FAM174A: variants seen among roughly 807,000 people sequenced by gnomAD.
FAM174A encodes family with sequence similarity 174 member A.
In FAM174A, 14 loss-of-function variants were observed where a neutral mutation model predicts 14.3. The ratio of observed to expected loss-of-function variants is 0.98; its 90% confidence interval spans 0.65 to 1.53. The LOEUF (loss-of-function observed/expected upper bound fraction) is 1.53. Among genes scored for constraint, FAM174A ranks in the 40% most tolerant of loss-of-function variants. FAM174A has a pLI of 0.00. For missense variants in FAM174A, 241 were observed against 249.6 expected, an observed-to-expected ratio of 0.97 and a Z score of 0.23; for synonymous variants, 108 against 111.4, an observed-to-expected ratio of 0.97 and a Z score of 0.19.
chr5:100,560,025 T>G (rs1218574146), intron 1 of FAM174A, among the ~76,000 whole-genome samples: 3 of 152,118 alleles, frequency 2.0e-5, no homozygotes, highest in Non-Finnish European at 2.9e-5. Flanking sequence ...AGAGGCACTC[T>G]GATTTTTAGA....
intron 2 of FAM174A, among the ~76,000 whole-genome samples, chr5:100,576,185 T>C (rs1746901075): frequency 6.6e-6 from 1 of 152,232 alleles, no homozygotes; most frequent in African/African-American, 2.4e-5. Flanking sequence ...TTTCTGTTTC[T>C]TTATATTAAA....
chr5:100,558,055 G>C (rs1459725560), intron 1 of FAM174A, among the ~76,000 whole-genome samples: 1 of 152,086 alleles, frequency 6.6e-6, no homozygotes, highest in African/African-American at 2.4e-5. Flanking sequence ...GATCTTTCCT[G>C]CTTTCTCTTG....
At chr5:100,572,593 A>G (rs992642074) in intron 2 of FAM174A, among the ~76,000 whole-genome samples, 1 of 151,942 alleles carries the variant, frequency 6.6e-6, no homozygotes, top group African/African-American at 2.4e-5. Context: ...ATCATTTTTT[A>G]TGGCTGCATA....
intron 2 of FAM174A, among the ~76,000 whole-genome samples, chr5:100,568,629 T>C (rs1746713274): frequency 6.7e-6 from 1 of 149,078 alleles, no homozygotes. Flanking sequence ...ATGAGATCTC[T>C]GGCTTCAATA....
At chr5:100,572,890 T>A (rs1423250734) in intron 2 of FAM174A, among the ~76,000 whole-genome samples, 5 of 152,152 alleles carry the variant, frequency 3.3e-5, no homozygotes, top group Non-Finnish European at 1.5e-5. Flanking sequence ...TGTTCCTATT[T>A]CTCCACATCC....
intron 1 of FAM174A, among the ~76,000 whole-genome samples, chr5:100,549,748 T>C (rs1276979337): frequency 6.6e-6 from 1 of 152,012 alleles, no homozygotes; most frequent in Admixed American, 6.6e-5. Context: ...GCTGGATAAC[T>C]GTCAAGCTAA....
At chr5:100,543,612 T>C (rs902192924) in intron 1 of FAM174A, among the ~76,000 whole-genome samples, 1 of 152,220 alleles carries the variant, frequency 6.6e-6, no homozygotes, top group Admixed American at 6.5e-5. Context: ...GTTTTTGACA[T>C]GGAGTCTCCC....
intron 2 of FAM174A, among the ~76,000 whole-genome samples, chr5:100,582,174 A>C (rs1747032806): frequency 6.6e-6 from 1 of 152,094 alleles, no homozygotes; most frequent in Admixed American, 6.5e-5. Context: ...CAGTATTATC[A>C]TGGGTTTCAA....
At chr5:100,536,264 A>G (rs1382764617) in intron 1 of FAM174A, among the ~76,000 whole-genome samples, 3 of 152,202 alleles carry the variant, frequency 2.0e-5, no homozygotes, top group Admixed American at 2.0e-4. Context: ...TTTATTCCCT[A>G]GAATTTTGAC....
chr5:100,586,318 T>A lies in FAM174A; in HGVS notation c.*134T>A. 1.8e-6 allele frequency: 1 copy of A among 547,682 alleles called. No individual in the cohort carries two copies. Among genetic ancestry groups the A allele is most frequent in the Admixed American group, 3.2e-5 (1 of 31,360 alleles). 33.9% of individuals were successfully genotyped at this position (547,682 alleles called of 1,614,324 possible). ...ACATATATTTTAACAACCTTTAATT[T>A]GCTGTTGCAATAAATACCGTATCCT... On this transcript the variant is annotated 3_prime_UTR_variant, in exon 3 of 3. Transcript: ENST00000312637.
At chr5:100,579,135 A>T (rs186071574) in intron 2 of FAM174A, among the ~76,000 whole-genome samples, 1 of 152,376 alleles carries the variant, frequency 6.6e-6, no homozygotes, top group East Asian at 1.9e-4. Flanking sequence ...AATGTGATTG[A>T]GCAAGAATAT....
At chr5:100,557,045 T>G (rs1746405235) in intron 1 of FAM174A, among the ~76,000 whole-genome samples, 1 of 152,144 alleles carries the variant, frequency 6.6e-6, no homozygotes, top group Admixed American at 6.6e-5. Context: ...ATGCTTCCAG[T>G]TTTTGCCCAT....
chr5:100,586,195 T>A lies in FAM174A; in HGVS notation c.*11T>A. Reference sequence around the variant, plus strand: ...TTTTCTTGCAGATAAGAATGTGCCTTTTGATGAAAGAACTTTATCTTTCTA... The same window carrying A: ...TTTTCTTGCAGATAAGAATGTGCCTATTGATGAAAGAACTTTATCTTTCTA... On this transcript the variant is annotated 3_prime_UTR_variant, in exon 3 of 3. Coordinates refer to ENST00000312637, the MANE Select transcript of FAM174A (RefSeq NM_198507.3). 1.4e-6 allele frequency: 2 copies of A among 1,417,384 alleles called. No individual in the cohort carries two copies. The highest frequency in any genetic ancestry group is 2.6e-5 in the South Asian group (2 of 76,572). The allele number at this position is 1,417,384 out of a possible 1,614,324, so 87.8% of individuals were successfully genotyped here.
At chr5:100,537,757 T>A (rs1343585005) in intron 1 of FAM174A, among the ~76,000 whole-genome samples, 1 of 152,202 alleles carries the variant, frequency 6.6e-6, no homozygotes, top group African/African-American at 2.4e-5. Context: ...ACTATATAAC[T>A]GTTATTTACT....
chr5:100,574,639 C>T (rs946709480), intron 2 of FAM174A, among the ~76,000 whole-genome samples: 2 of 152,028 alleles, frequency 1.3e-5, no homozygotes, highest in Admixed American at 1.3e-4. Context: ...CTATTTACTT[C>T]TCTCTTGTTA....
In FAM174A at chr5:100,581,440, G is replaced by T. The variant is rs766839377; in HGVS notation, c.570-4741G>T. On this transcript the variant is annotated intron_variant, in intron 2 of 2. Coordinates refer to ENST00000312637, the MANE Select transcript of FAM174A (RefSeq NM_198507.3). ...ATTGAGTTAAAGTTATTTTTTTAAA[G>T]ATATAAGTTAATCAAATAAGAGCCT... 3.7e-4 allele frequency: 350 copies of T among 953,440 alleles called. 1 individual carries two copies. Among genetic ancestry groups the T allele is most frequent in the Admixed American group, 4.9e-4 (8 of 16,200 alleles). 59.1% of individuals were successfully genotyped at this position (953,440 alleles called of 1,614,324 possible).
At chr5:100,539,928 C>A (rs901359875) in intron 1 of FAM174A, among the ~76,000 whole-genome samples, 2 of 152,168 alleles carry the variant, frequency 1.3e-5, no homozygotes, top group African/African-American at 4.8e-5. Context: ...ATTTATTGAT[C>A]ATCATATTTG....
chr5:100,564,858 A>G (rs1157301128), intron 2 of FAM174A, among the ~76,000 whole-genome samples: 1 of 151,948 alleles, frequency 6.6e-6, no homozygotes, highest in Non-Finnish European at 1.5e-5. Context: ...ACAAGTAACA[A>G]ATAAGGAAAT....
At chr5:100,570,492 T>C (rs996669071) in intron 2 of FAM174A, among the ~76,000 whole-genome samples, 2 of 152,002 alleles carry the variant, frequency 1.3e-5, no homozygotes, top group Non-Finnish European at 2.9e-5. Context: ...TTAATACCAT[T>C]TTCCCCCAAG....
Sources: allele counts gnomAD v4.1 joint callset (sites outside exome capture counted in the v4.1 genomes callset), GRCh38; gene constraint gnomAD v4.1.1; transcripts MANE v1.5; gene names NCBI Gene and HGNC (gene_info 2026-07-23, HGNC 2026-07-21).